Variants in IL1RAPL2 observed in about 807,000 individuals in gnomAD.
The protein encoded by IL1RAPL2 is X-linked interleukin-1 receptor accessory protein-like 2.
IL1RAPL2 carries 3 observed loss-of-function variants against 44.1 expected under a neutral mutation model. The observed-to-expected ratio is 0.07, with a 90% confidence interval of 0.03 to 0.18. The LOEUF is 0.18. IL1RAPL2 is among the 10% of genes least tolerant of loss of function. IL1RAPL2 has a pLI of 1.00. For missense variants in IL1RAPL2, 391 were observed against 496.4 expected, an observed-to-expected ratio of 0.79 and a Z score of 2.02; for synonymous variants, 181 against 178.8, an observed-to-expected ratio of 1.01 and a Z score of -0.10.
intron 2 of IL1RAPL2, among the ~76,000 whole-genome samples, chrX:104,734,480 T>C (rs1034621601): frequency 1.8e-5 from 2 of 112,745 alleles, no homozygotes; most frequent in African/African-American, 6.4e-5. Context: ...AAATGAACTT[T>C]TGATTCATCC....
chrX:105,174,730 C>A (rs1021499246), intron 2 of IL1RAPL2, among the ~76,000 whole-genome samples: 1 of 111,330 alleles, frequency 9.0e-6, no homozygotes, highest in Non-Finnish European at 1.9e-5. Context: ...TAAGGAGGGA[C>A]AAATTAATCC....
chrX:105,297,663 C>T (rs747353065), intron 5 of IL1RAPL2, among the ~76,000 whole-genome samples: 41 of 110,945 alleles, frequency 3.7e-4, no homozygotes, highest in Non-Finnish European at 5.8e-4. Context: ...CCCCAATGAC[C>T]CAATTACCTT....
intron 5 of IL1RAPL2, among the ~76,000 whole-genome samples, chrX:105,440,060 G>A (rs1490289728): frequency 2.7e-5 from 3 of 111,533 alleles, no homozygotes; most frequent in Admixed American, 9.6e-5. Context: ...TACCAGCTCA[G>A]AAAACATCCC....
intron 2 of IL1RAPL2, among the ~76,000 whole-genome samples, chrX:105,098,886 T>C (rs1369647525): frequency 8.9e-6 from 1 of 112,243 alleles, no homozygotes; most frequent in Non-Finnish European, 1.9e-5. Flanking sequence ...AAGATGTGGT[T>C]TGGCAAAAGT....
At chrX:104,727,800 T>C (rs1375882372) in intron 2 of IL1RAPL2, among the ~76,000 whole-genome samples, 1 of 110,531 alleles carries the variant, frequency 9.0e-6, no homozygotes, top group African/African-American at 3.3e-5. Context: ...TTTTGGATTT[T>C]TTTTTTTTGC....
chrX:105,649,967 G>A (rs899103139), intron 6 of IL1RAPL2, among the ~76,000 whole-genome samples: 5 of 111,276 alleles, frequency 4.5e-5, no homozygotes, highest in African/African-American at 9.8e-5. Flanking sequence ...GGCCAAGCAC[G>A]CAGAACACTG....
intron 5 of IL1RAPL2, among the ~76,000 whole-genome samples, chrX:105,434,225 C>A (rs1440625204): frequency 8.9e-6 from 1 of 111,844 alleles, no homozygotes; most frequent in Non-Finnish European, 1.9e-5. Flanking sequence ...ACTGACAATA[C>A]CAAGTGCTGA....
chrX:104,669,501 C>T (rs977881021), intron 2 of IL1RAPL2, among the ~76,000 whole-genome samples: 2 of 111,507 alleles, frequency 1.8e-5, no homozygotes, highest in African/African-American at 3.3e-5. Flanking sequence ...GTTTCTACTC[C>T]CTTGGTATTA....
At chrX:104,633,037 G>A (rs1929692192) in intron 1 of IL1RAPL2, among the ~76,000 whole-genome samples, 2 of 111,473 alleles carry the variant, frequency 1.8e-5, no homozygotes, top group South Asian at 7.6e-4. Flanking sequence ...TTTATTGAGA[G>A]TTTTTAGCAT....
At chrX:105,449,400 C>T (rs112558684) in intron 5 of IL1RAPL2, among the ~76,000 whole-genome samples, 19,097 of 109,867 alleles carry the variant, frequency 0.17, 4,181 homozygotes, top group African/African-American at 0.61. Context: ...CTGGCTAACA[C>T]GGTGAAACCC....
chrX:104,652,449 G>A (rs1930170616), intron 1 of IL1RAPL2, among the ~76,000 whole-genome samples: 1 of 111,805 alleles, frequency 8.9e-6, no homozygotes, highest in Non-Finnish European at 1.9e-5. Flanking sequence ...CATAGATTTT[G>A]TTCTTTTATT....
chrX:105,495,531 T>C (rs2036350801), intron 6 of IL1RAPL2, among the ~76,000 whole-genome samples: 1 of 112,047 alleles, frequency 8.9e-6, no homozygotes. Context: ...TCTGACTCAC[T>C]GAGGGCCTGT....
chrX:105,172,164 C>G (rs2033429504), intron 2 of IL1RAPL2, among the ~76,000 whole-genome samples: 1 of 112,342 alleles, frequency 8.9e-6, no homozygotes, highest in Admixed American at 9.4e-5. Context: ...CAAAACGAAT[C>G]ATCCTCCTGA....
intron 2 of IL1RAPL2, among the ~76,000 whole-genome samples, chrX:105,060,083 C>T (rs748306814): frequency 8.9e-6 from 1 of 111,783 alleles, no homozygotes; most frequent in Admixed American, 9.5e-5. Context: ...TGTTCAAGGG[C>T]TCCCTTTTGT....
chrX:104,910,826 G>T (rs1295153151), intron 2 of IL1RAPL2, among the ~76,000 whole-genome samples: 1 of 111,842 alleles, frequency 8.9e-6, no homozygotes, highest in African/African-American at 3.2e-5. Context: ...GCTATTAAAT[G>T]GATATATTTT....
At chrX:105,716,868 C>T (rs1388858154) in intron 6 of IL1RAPL2, among the ~76,000 whole-genome samples, 2 of 111,605 alleles carry the variant, frequency 1.8e-5, no homozygotes, top group East Asian at 5.7e-4. Flanking sequence ...TTAATATTCT[C>T]AAAAATAAAC....
chrX:104,730,271 G>A (rs1348659494), intron 2 of IL1RAPL2, among the ~76,000 whole-genome samples: 1 of 107,929 alleles, frequency 9.3e-6, no homozygotes, highest in Non-Finnish European at 1.9e-5. Flanking sequence ...TGTGCACAAT[G>A]TGCAGGTTAG....
chrX:104,634,198 G>GTT (rs1929731924), intron 1 of IL1RAPL2, among the ~76,000 whole-genome samples: 1 of 111,292 alleles, frequency 9.0e-6, no homozygotes, highest in African/African-American at 3.3e-5. Context: ...ATTGCACTGT[G>GTT]GTCTGAGAGA....
intron 2 of IL1RAPL2, among the ~76,000 whole-genome samples, chrX:105,111,338 G>A (rs985589108): frequency 1.8e-5 from 2 of 111,502 alleles, no homozygotes; most frequent in African/African-American, 6.5e-5. Flanking sequence ...AATTGTATTG[G>A]AGAAGTCTAG....
Sources: gnomAD v4.1 joint callset for allele counts (sites outside exome capture counted in the v4.1 genomes callset) on GRCh38, gnomAD v4.1.1 for gene constraint, MANE v1.5 for transcripts, NCBI Gene and HGNC (gene_info 2026-07-23, HGNC 2026-07-21) for gene names.